Variants in HYAL1 observed in about 807,000 individuals in gnomAD.
The protein encoded by HYAL1 is hyaluronidase 1.
A neutral mutation model predicts 28.8 loss-of-function variants in HYAL1; 21 were observed. That is an observed-to-expected ratio of 0.73 (90% CI 0.52 to 1.05). HYAL1 has a LOEUF of 1.05. Ranked by LOEUF, HYAL1 falls within the 50% of genes least tolerant of loss-of-function variation. The probability of loss-of-function intolerance (pLI) is 0.00; values close to 1 mark genes in which losing one functional copy is unlikely to be tolerated. For synonymous variants in HYAL1, 200 were observed against 230.1 expected, an observed-to-expected ratio of 0.87 and a Z score of 1.18; for missense variants, 491 against 579.2, an observed-to-expected ratio of 0.85 and a Z score of 1.56.
At position 50,302,478 on chromosome 3, in the gene HYAL1, G is replaced by C. The variant is rs781971310; in HGVS notation, c.479C>G (p.Pro160Arg). 4.3e-6 allele frequency: 7 copies of C among 1,614,030 alleles called. No individual in the cohort carries two copies. The highest frequency in any genetic ancestry group is 5.9e-6 in the Non-Finnish European group (7 of 1,180,010). The change falls in exon 2 of 4, where the codon CCT (proline) becomes CGT (arginine). Residue 160 changes from proline (P) to arginine (R), a missense_variant. Pro to Arg is a moderately radical substitution (Grantham distance 103). Transcript: ENST00000395144. This position sits in a 1 kb window ranked among gnomAD's most constrained non-coding sequence, Gnocchi z 5.0. ...RSRALVQAQH[P>R]DWPAPQVEAV... is the part of the protein sequence containing the mutation. Reference sequence around the variant, plus strand: ...CTCCACCTGAGGAGCTGGCCAATCAGGGTGCTGTGCCTGTACCAGTGCCCG... The same window carrying C: ...CTCCACCTGAGGAGCTGGCCAATCACGGTGCTGTGCCTGTACCAGTGCCCG...
chr3:50,300,425 C>T lies in HYAL1; in HGVS notation c.*58G>A. On this transcript the variant is annotated 3_prime_UTR_variant, in exon 4 of 4. Transcript: ENST00000395144. ...TGACTGTGCATGTATTTGAGGAAGC[C>T]CTGGCCAGACCCAGAGTGCATTAGG... is the stretch of plus-strand genomic sequence containing the variant. 6.4e-7 allele frequency: 1 copy of T among 1,568,732 alleles called. No individual in the cohort carries two copies. The highest frequency in any genetic ancestry group is 8.8e-7 in the Non-Finnish European group (1 of 1,139,448).
intron 2 of HYAL1, among the ~76,000 whole-genome samples, 158 bp downstream of exon 2, chr3:50,301,899 C>T (rs1702175753): frequency 1.4e-5 from 2 of 144,542 alleles, no homozygotes; most frequent in Non-Finnish European, 3.0e-5. Context: ...TGCAGTGAGC[C>T]AAGATCGTGC....
intron 1 of HYAL1, among the ~76,000 whole-genome samples, chr3:50,310,772 G>C (rs1210355333): frequency 1.3e-5 from 2 of 150,128 alleles, no homozygotes; most frequent in African/African-American, 4.9e-5. Context: ...TGTGTCCCTG[G>C]GTACTTGAGA....
chr3:50,301,023 C>G lies in HYAL1; in HGVS notation c.955G>C (p.Val319Leu). ...GTATTTTCCCAGCTCACCCAGAGCA[C>G]CACTCCAGCTGCCCCCTGGGCCGCA... is the stretch of plus-strand genomic sequence containing the variant. ...ESAAQGAAGV[V>L]LWVSWENTRT... Residue 319 changes from valine (V) to leucine (L), a missense_variant, in exon 3 of 4, where the codon GTG (valine) becomes CTG (leucine). Physicochemically the swap from Val to Leu is conservative, Grantham distance 32 (BLOSUM62 1). Coordinates refer to ENST00000395144, the MANE Select transcript of HYAL1 (RefSeq NM_033159.4). The G allele has an allele frequency of 6.2e-7, 1 of 1,609,430 alleles. No homozygotes were observed. Among genetic ancestry groups the G allele is most frequent in the Non-Finnish European group, 8.5e-7 (1 of 1,178,434 alleles).
In HYAL1 at chr3:50,299,998, C is replaced by T. The variant is rs1553712194; in HGVS notation, c.*485G>A. On this transcript the variant is annotated 3_prime_UTR_variant, in exon 4 of 4. Coordinates refer to ENST00000395144, the MANE Select transcript of HYAL1 (RefSeq NM_033159.4). ...AGTAGGAGTGCAAGGGCTGTACCCC[C>T]GGAGCTAGACAGCCTGGGTTTGAAT... 2 of 230,038 alleles carry T rather than the reference C, an allele frequency of 8.7e-6. No homozygotes were observed. Among genetic ancestry groups the T allele is most frequent in the Admixed American group, 1.0e-4 (2 of 19,594 alleles). 14.2% of individuals were successfully genotyped at this position (230,038 alleles called of 1,614,324 possible). A position where few individuals can be genotyped will look rare whatever the true frequency, so the allele number is the denominator to read the frequency against.
chr3:50,300,771 C>T lies in HYAL1; in HGVS notation c.1020G>A (p.Met340Ile). The T allele has an allele frequency of 1.2e-6, 2 of 1,613,912 alleles. No homozygotes were observed. Among genetic ancestry groups the T allele is most frequent in the Non-Finnish European group, 1.7e-6 (2 of 1,179,952 alleles). ...GGATGAAGGGCCCCAGTGTAGTGTC[C>T]ATATACTCCTTGATGGCCTGACATG... is the stretch of plus-strand genomic sequence containing the variant. The part of the protein sequence containing the change: ...KESCQAIKEY[M>I]DTTLGPFILN... Residue 340 changes from methionine (M) to isoleucine (I), a missense_variant, in exon 4 of 4, where the codon ATG (methionine) becomes ATA (isoleucine). Met to Ile is a conservative substitution (Grantham distance 10). Transcript: ENST00000395144.
upstream of HYAL1, among the ~76,000 whole-genome samples, chr3:50,306,462 A>C (rs1702336643): frequency 6.6e-6 from 1 of 151,168 alleles, no homozygotes; most frequent in Non-Finnish European, 1.5e-5. Context: ...AAATGACTAA[A>C]GTTAGCATTT....
chr3:50,300,733 C>T lies in HYAL1; in HGVS notation c.1058G>A (p.Ser353Asn), dbSNP rs782200625. ...GGCTTGACTGCAGAGAAGGGCCCCA[C>T]TGGTCACGTTCAGGATGAAGGGCCC... ...TLGPFILNVT[S>N]GALLCSQALC... The change falls in exon 4 of 4, where the codon AGT becomes AAT. Residue 353 changes from serine (S) to asparagine (N), a missense_variant. By Grantham distance (46) the Ser-to-Asn change is conservative. Coordinates refer to ENST00000395144, the MANE Select transcript of HYAL1 (RefSeq NM_033159.4). The T allele has an allele frequency of 1.6e-5, 26 of 1,613,986 alleles. No homozygotes were observed. The highest frequency in any genetic ancestry group is 2.0e-5 in the Non-Finnish European group (24 of 1,180,034).
At chr3:50,308,564 C>T (rs1433413787), upstream of HYAL1, among the ~76,000 whole-genome samples, 23 of 149,762 alleles carry the variant, frequency 1.5e-4, 1 homozygote, top group Admixed American at 4.0e-4. Context: ...TCTCCTGCCT[C>T]AGCCTCCTGA....
chr3:50,301,963 A>C, intron 2 of HYAL1, 94 bp downstream of exon 2: 2 of 1,373,154 alleles, frequency 1.5e-6, no homozygotes, highest in Non-Finnish European at 2.1e-6. Flanking sequence ...AAAAAAAAAA[A>C]CGAAGAAAAT....
At chr3:50,301,099 T>C in intron 2 of HYAL1, 22 bp from the exon 3 acceptor site, 1 of 1,512,982 alleles carries the variant, frequency 6.6e-7, no homozygotes, top group Non-Finnish European at 9.2e-7. Context: ...ACAGCACAGC[T>C]CTGTGGGGCC....
Position 50,300,394 on chromosome 3 carries a change from C to T in HYAL1, c.*89G>A. On this transcript the variant is annotated 3_prime_UTR_variant, in exon 4 of 4. Coordinates refer to ENST00000395144, the MANE Select transcript of HYAL1 (RefSeq NM_033159.4). Reference sequence around the variant, plus strand: ...AGTGTACTCTTTACTGTGACCATGACTTGTATGACTGTGCATGTATTTGAG... The same window carrying T: ...AGTGTACTCTTTACTGTGACCATGATTTGTATGACTGTGCATGTATTTGAG... The T allele has an allele frequency of 7.7e-7, 1 of 1,305,398 alleles. No homozygotes were observed. 80.9% of individuals were successfully genotyped at this position (1,305,398 alleles called of 1,614,324 possible).
chr3:50,304,997 G>C (rs976705628), upstream of HYAL1, among the ~76,000 whole-genome samples: 30 of 152,190 alleles, frequency 2.0e-4, no homozygotes, highest in African/African-American at 6.8e-4. Context: ...AAAATATCTT[G>C]GGCCCCTTCA....
At chr3:50,307,561 G>GTAGCC (rs1168129742), upstream of HYAL1, among the ~76,000 whole-genome samples, 1 of 132,258 alleles carries the variant, frequency 7.6e-6, no homozygotes, top group African/African-American at 3.0e-5. Flanking sequence ...GGCGCCTGTA[G>GTAGCC]TCCCAGCTAC....
At position 50,300,130 on chromosome 3, in the gene HYAL1, C is replaced by T; in HGVS notation, c.*353G>A. On this transcript the variant is annotated 3_prime_UTR_variant, in exon 4 of 4. Coordinates refer to ENST00000395144, the MANE Select transcript of HYAL1 (RefSeq NM_033159.4). ...TCATTGTGAGGAATGAATAAGTCCA[C>T]ATAAAACGCTTAGCACGGGGATTGG... is the stretch of plus-strand genomic sequence containing the variant. 2.9e-6 allele frequency: 1 copy of T among 350,462 alleles called. No individual in the cohort carries two copies. The highest frequency in any genetic ancestry group is 6.6e-5 in the East Asian group (1 of 15,080). 21.7% of individuals were successfully genotyped at this position (350,462 alleles called of 1,614,324 possible).
Position 50,302,198 on chromosome 3 carries a change from C to A in HYAL1, c.759G>T (p.Glu253Asp). The change falls in exon 2 of 4, where the codon GAG (glutamate) becomes GAT (aspartate). Residue 253 changes from glutamate to aspartate, a missense_variant. By Grantham distance (45) the Glu-to-Asp change is conservative (BLOSUM62 2). Transcript: ENST00000395144. This position sits in a 1 kb window ranked among gnomAD's most constrained non-coding sequence, Gnocchi z 5.0. ...CATACATCTGTGACTTCCCTGTGCC[C>A]TCCAGCACTGCGGGCATGTAGATGC... is the stretch of plus-strand genomic sequence containing the variant. Reference protein sequence around the residue: ...YPSIYMPAVLEGTGKSQMYVQ... With the variant: ...YPSIYMPAVLDGTGKSQMYVQ... 1 of 1,614,178 alleles carries A rather than the reference C, an allele frequency of 6.2e-7. No individual in the cohort carries two copies. The highest frequency in any genetic ancestry group is 8.5e-7 in the Non-Finnish European group (1 of 1,180,040).
upstream of HYAL1, among the ~76,000 whole-genome samples, chr3:50,305,139 C>T (rs1194077344): frequency 2.6e-5 from 4 of 152,228 alleles, no homozygotes; most frequent in Non-Finnish European, 5.9e-5. Flanking sequence ...CAAAAGAATG[C>T]AACCATCTGT....
chr3:50,311,872 G>A (rs1257783606), intron 1 of HYAL1, among the ~76,000 whole-genome samples: 2 of 149,710 alleles, frequency 1.3e-5, no homozygotes, highest in African/African-American at 2.5e-5. Context: ...CCTCCCGGAC[G>A]GGGCGGCTGG....
chr3:50,304,274 C>CAAA (rs1156334129), upstream of HYAL1, among the ~76,000 whole-genome samples: 17 of 2,894 alleles, frequency 5.9e-3, 5 homozygotes, highest in East Asian at 0.011. Context: ...GACTCCATCT[C>CAAA]AAAAAAAAAA....
Sources: gnomAD v4.1 joint callset for allele counts (sites outside exome capture counted in the v4.1 genomes callset) on GRCh38, gnomAD v4.1.1 for gene constraint, Gnocchi (gnomAD v3.1) non-coding constraint, MANE v1.5 for transcripts, NCBI Gene and HGNC (gene_info 2026-07-23, HGNC 2026-07-21) for gene names.